The following SDHB variants were observed in gnomAD, a reference collection of about 807,000 sequenced individuals.
The protein encoded by SDHB is succinate dehydrogenase complex iron sulfur subunit B, also known as succinate dehydrogenase [ubiquinone] iron-sulfur subunit, mitochondrial.
SDHB carries 21 observed loss-of-function variants against 39.7 expected under a neutral mutation model. The ratio of observed to expected loss-of-function variants is 0.53; its 90% CI spans 0.37 to 0.76. The LOEUF is 0.76. Ranked by LOEUF, SDHB falls within the 30% of genes least tolerant of loss-of-function variation. SDHB has a pLI of 0.00. For missense variants in SDHB, 343 were observed against 350.9 expected, an observed-to-expected ratio of 0.98 and a Z score of 0.18; for synonymous variants, 118 against 117.0, an observed-to-expected ratio of 1.01 and a Z score of -0.06.
intron 5 of SDHB, among the ~76,000 whole-genome samples, chr1:17,027,317 T>G (rs1482687188): frequency 2.6e-5 from 4 of 152,212 alleles, no homozygotes; most frequent in Non-Finnish European, 5.9e-5. Flanking sequence ...CAGGAAAGAA[T>G]ATCGATGACT....
At chr1:17,028,815 C>G in intron 3 of SDHB, 79 bp from the exon 4 acceptor site, 7 of 1,546,330 alleles carry the variant, frequency 4.5e-6, no homozygotes, top group Non-Finnish European at 5.3e-6. Flanking sequence ...TCTGGATCCT[C>G]CTTGCTGTGC....
chr1:17,028,790 C>T, intron 3 of SDHB, 54 bp from the exon 4 acceptor site: 1 of 1,601,754 alleles, frequency 6.2e-7, no homozygotes, highest in Non-Finnish European at 8.5e-7. Context: ...ATCAGTCCTG[C>T]CCCAAATACT....
In SDHB at chr1:17,033,106, C is replaced by G. The variant is rs2101528987; in HGVS notation, c.240G>C (p.Lys80Asn). The change falls in exon 3 of 8, where the codon AAG becomes AAC. Residue 80 changes from lysine (K) to asparagine (N), a missense_variant. Coordinates refer to ENST00000375499, the MANE Select transcript of SDHB (RefSeq NM_003000.3). ...AGGTCAAAGTAGAGTCAACTTCATT[C>G]TTAATCTTGATTAAAGCATCCAATA... Reference protein sequence around the residue: ...PMVLDALIKIKNEVDSTLTFR... With the variant: ...PMVLDALIKINNEVDSTLTFR... 1 of 1,613,988 alleles carries G rather than the reference C, an allele frequency of 6.2e-7. No homozygotes were observed. Among genetic ancestry groups the G allele is most frequent in the Non-Finnish European group, 8.5e-7 (1 of 1,179,862 alleles).
At chr1:17,053,224 T>C (rs549499187) in intron 1 of SDHB, among the ~76,000 whole-genome samples, 8 of 152,186 alleles carry the variant, frequency 5.3e-5, no homozygotes, top group Non-Finnish European at 8.8e-5. Context: ...GCACACGGCA[T>C]AGTAATAAAC....
chr1:17,031,166 C>T (rs935997366), intron 3 of SDHB, among the ~76,000 whole-genome samples: 2 of 151,872 alleles, frequency 1.3e-5, no homozygotes, highest in African/African-American at 4.8e-5. Flanking sequence ...TGTAAGGGAA[C>T]CCAAAGATGT....
intron 2 of SDHB, among the ~76,000 whole-genome samples, chr1:17,036,703 T>C (rs2078051788): frequency 1.4e-5 from 2 of 143,400 alleles, no homozygotes; most frequent in East Asian, 2.0e-4. Context: ...TATATAAATA[T>C]GAATATATAA....
chr1:17,049,647 C>CTT (rs397835910), intron 1 of SDHB, among the ~76,000 whole-genome samples: 821 of 52,000 alleles, frequency 0.016, 215 homozygotes, highest in African/African-American at 0.063. Context: ...TCCCCTAGTT[C>CTT]TTTTTTTTTT....
intron 3 of SDHB, among the ~76,000 whole-genome samples, chr1:17,029,765 C>T (rs1470680840): frequency 1.3e-5 from 2 of 152,094 alleles, no homozygotes; most frequent in Non-Finnish European, 2.9e-5. Flanking sequence ...GCTGTGTCAC[C>T]CAGGCTGAAG....
intron 7 of SDHB, among the ~76,000 whole-genome samples, chr1:17,019,876 G>A (rs2077951394): frequency 6.6e-6 from 1 of 152,094 alleles, no homozygotes; most frequent in Non-Finnish European, 1.5e-5. Flanking sequence ...GAAACTACAG[G>A]TGCGTGCCAC....
At chr1:17,046,580 T>C (rs112272122) in intron 1 of SDHB, among the ~76,000 whole-genome samples, 53 of 152,340 alleles carry the variant, frequency 3.5e-4, no homozygotes, top group African/African-American at 1.2e-3. Context: ...GTCTGCCTTT[T>C]ACAGAATTCA....
rs2101523059 is a variant in SDHB, at chr1:17,028,639, G to A, written c.384C>T (p.Tyr128=). ...TTATCACATACATGTGTGGAAGAGG[G>A]TAGATTTTTGAGACCTTATTGAGGT... ...DTNLNKVSKI[Y]PLPHMYVIKD... is the part of the protein sequence containing the mutation. The change falls in exon 4 of 8, where the codon TAC becomes TAT. Residue 128 remains tyrosine (Y), a synonymous_variant. Coordinates refer to ENST00000375499, the MANE Select transcript of SDHB (RefSeq NM_003000.3). 1 of 1,614,184 alleles carries A rather than the reference G, an allele frequency of 6.2e-7. No homozygotes were observed. Among genetic ancestry groups the A allele is most frequent in the Non-Finnish European group, 8.5e-7 (1 of 1,180,018 alleles).
Position 17,033,099 on chromosome 1 carries a change from C to T in SDHB, c.247G>A (p.Val83Ile), listed in dbSNP as rs1570951403. The change falls in exon 3 of 8, where the codon GTT becomes ATT. Residue 83 changes from valine to isoleucine, a missense_variant. Physicochemically the swap from Val to Ile is conservative, Grantham distance 29. Transcript: ENST00000375499. ...CTTCGGAAGGTCAAAGTAGAGTCAA[C>T]TTCATTCTTAATCTTGATTAAAGCA... Reference protein sequence around the residue: ...LDALIKIKNEVDSTLTFRRSC... With the variant: ...LDALIKIKNEIDSTLTFRRSC... 2 of 1,614,008 alleles carry T rather than the reference C, an allele frequency of 1.2e-6. No homozygotes were observed. Among genetic ancestry groups the T allele is most frequent in the Non-Finnish European group, 1.7e-6 (2 of 1,179,866 alleles).
chr1:17,044,413 C>G (rs1271264925), intron 2 of SDHB, among the ~76,000 whole-genome samples: 1 of 151,788 alleles, frequency 6.6e-6, no homozygotes, highest in Non-Finnish European at 1.5e-5. Flanking sequence ...CAACCTCTGC[C>G]TCCTGGGTTC....
In SDHB at chr1:17,033,093, A is replaced by G. The variant is rs1173727795; in HGVS notation, c.253T>C (p.Ser85Pro). ...ALIKIKNEVDSTLTFRRSCRE... is the reference protein window; with the variant it reads ...ALIKIKNEVDPTLTFRRSCRE... ...CATGATCTTCGGAAGGTCAAAGTAG[A>G]GTCAACTTCATTCTTAATCTTGATT... The change falls in exon 3 of 8, where the codon TCT becomes CCT. Residue 85 changes from serine (S) to proline (P), a missense_variant. Transcript: ENST00000375499. 2 of 1,614,014 alleles carry G rather than the reference A, an allele frequency of 1.2e-6. No homozygotes were observed. Among genetic ancestry groups the G allele is most frequent in the Non-Finnish European group, 1.7e-6 (2 of 1,179,840 alleles).
intron 2 of SDHB, among the ~76,000 whole-genome samples, chr1:17,035,825 A>C (rs1305566461): frequency 6.6e-6 from 1 of 152,044 alleles, no homozygotes. Flanking sequence ...GCACCACTGC[A>C]CTCCAGCCTG....
chr1:17,054,012 GC>G lies in SDHB; in HGVS notation c.7del (p.Ala3ArgfsTer7). The stretch of plus-strand genomic sequence containing the variant: ...GCGCCTCAAGGAGAGGGCGACCACC[GC>G]CGCCATCTTGGCTCCTGACGTCAGC... MA[A>X]VVALSLRRRL... On this transcript the variant is annotated frameshift_variant, in exon 1 of 8. Coordinates refer to ENST00000375499, the MANE Select transcript of SDHB (RefSeq NM_003000.3). LOFTEE classifies it high-confidence loss of function. 1 of 1,610,244 alleles carries G rather than the reference GC, an allele frequency of 6.2e-7. No individual in the cohort carries two copies. The highest frequency in any genetic ancestry group is 2.2e-5 in the East Asian group (1 of 44,786).
intron 1 of SDHB, among the ~76,000 whole-genome samples, chr1:17,053,185 A>G (rs567196920): frequency 4.8e-4 from 73 of 152,292 alleles, no homozygotes; most frequent in African/African-American, 1.6e-3. Flanking sequence ...TTTCTTGGCC[A>G]TACAAGGGGC....
Position 17,044,848 on chromosome 1 carries a change from C to T in SDHB, c.113G>A (p.Arg38His), listed in dbSNP as rs143058777. ...GAQTAAATAPRIKKFAIYRWD... is the reference protein window; with the variant it reads ...GAQTAAATAPHIKKFAIYRWD... ...TCGATAGATGGCAAATTTCTTGATA[C>T]GGGGAGCTGTGGCTGCAGCTGTCTG... The change falls in exon 2 of 8, where the codon CGT becomes CAT. Residue 38 changes from arginine to histidine, a missense_variant. Coordinates refer to ENST00000375499, the MANE Select transcript of SDHB (RefSeq NM_003000.3). 325 of 1,613,880 alleles carry T rather than the reference C, an allele frequency of 2.0e-4. 2 individuals are homozygous for T. In the South Asian group the frequency reaches 2.9e-3, roughly 14 times the overall value.
chr1:17,045,795 G>A (rs760985039), intron 1 of SDHB, among the ~76,000 whole-genome samples: 3 of 152,098 alleles, frequency 2.0e-5, no homozygotes, highest in Admixed American at 6.6e-5. Context: ...CCTCTGATTC[G>A]TCTCGGGCCA....
Sources: allele counts gnomAD v4.1 joint callset (sites outside exome capture counted in the v4.1 genomes callset), GRCh38; gene constraint gnomAD v4.1.1; transcripts MANE v1.5; gene names NCBI Gene and HGNC (gene_info 2026-07-23, HGNC 2026-07-21).